Variants in PLOD1 observed in about 807,000 individuals in gnomAD.
The protein encoded by PLOD1 is procollagen-lysine,2-oxoglutarate 5-dioxygenase 1.
PLOD1 carries 70 observed loss-of-function variants against 94.7 expected under a neutral mutation model. That is an observed-to-expected ratio of 0.74 (90% CI 0.61 to 0.90). PLOD1 has a LOEUF of 0.90. PLOD1 is among the 40% of genes least tolerant of loss of function. The pLI is 0.00. For synonymous variants in PLOD1, 417 were observed against 400.2 expected, an observed-to-expected ratio of 1.04 and a Z score of -0.50; for missense variants, 905 against 972.7, an observed-to-expected ratio of 0.93 and a Z score of 0.93.
rs192888884 is a variant in PLOD1, at chr1:11,951,701, C to T, written c.467-922C>T. On this transcript the variant is annotated intron_variant, in intron 4 of 18. Coordinates refer to ENST00000196061, the MANE Select transcript of PLOD1 (RefSeq NM_000302.4). ...TTGGGAGGCCGAGGTGGGCGGATCA[C>T]GAGGTCAGGAGATCGAGACCATCCT... is the stretch of plus-strand genomic sequence containing the variant. Among the ~76,000 whole-genome samples, 490 of 149,552 alleles carry T rather than the reference C, an allele frequency of 3.3e-3. 3 individuals carry two copies. The highest frequency in any genetic ancestry group is 0.011 in the African/African-American group (465 of 40,858).
chr1:11,945,353 G>A (rs1645643164), intron 1 of PLOD1, among the ~76,000 whole-genome samples: 1 of 152,014 alleles, frequency 6.6e-6, no homozygotes, highest in Admixed American at 6.6e-5. Context: ...AGGAAGTCAA[G>A]GTTGCAGTGA....
chr1:11,970,707 C>G lies in PLOD1; in HGVS notation c.1793C>G (p.Thr598Ser). Residue 598 changes from threonine to serine, a missense_variant, in exon 17 of 19, where the codon ACT becomes AGT. Transcript: ENST00000196061. ...CAGGGTGGCTACGAGAACGTGCCGACTATTGACATCCACATGAACCAGATC... is the reference window on the plus strand; with the variant it reads ...CAGGGTGGCTACGAGAACGTGCCGAGTATTGACATCCACATGAACCAGATC... ...RIQGGYENVP[T>S]IDIHMNQIGF... The G allele has an allele frequency of 6.2e-7, 1 of 1,613,142 alleles. No homozygotes were observed. The highest frequency in any genetic ancestry group is 1.1e-5 in the South Asian group (1 of 91,058).
At chr1:11,964,907 C>A in intron 13 of PLOD1, 122 bp downstream of exon 13, 1 of 1,097,902 alleles carries the variant, frequency 9.1e-7, no homozygotes, top group African/African-American at 1.5e-5. Flanking sequence ...TCCAGAGATT[C>A]TAGCAGGGCA....
At position 11,972,768 on chromosome 1, in the gene PLOD1, A is replaced by T. The variant is rs988349584; in HGVS notation, c.1903-104A>T. ...ATGTAGACCTGGCCCCTGTAAGCTG[A>T]CCTGCAGCAGGCCAGACCAGGCCCC... On this transcript the variant is annotated intron_variant, in intron 17 of 18. Transcript: ENST00000196061. This position sits in a 1 kb window ranked among gnomAD's most constrained non-coding sequence, Gnocchi z 4.6. The T allele has an allele frequency of 2.3e-6, 3 of 1,308,598 alleles. No individual in the cohort carries two copies. In the East Asian group the frequency reaches 7.0e-5, roughly 30 times the overall value. The allele number at this position is 1,308,598 out of a possible 1,614,324, so 81.1% of individuals were successfully genotyped here.
chr1:11,938,456 C>T (rs1369485542), intron 1 of PLOD1, among the ~76,000 whole-genome samples: 1 of 151,976 alleles, frequency 6.6e-6, no homozygotes, highest in Non-Finnish European at 1.5e-5. Context: ...GGGGAGCCTG[C>T]TCAGCTCCCC....
At chr1:11,966,820 T>C (rs1231951890) in intron 15 of PLOD1, among the ~76,000 whole-genome samples, 167 bp from the exon 16 acceptor site, 1 of 152,134 alleles carries the variant, frequency 6.6e-6, no homozygotes, top group East Asian at 1.9e-4. Flanking sequence ...AAAGTCTGTC[T>C]CTGGGCTCTG....
rs928024963 is a variant in PLOD1 at position 11,972,661 on chromosome 1, C to T, written c.1903-211C>T. The T allele has an allele frequency of 3.8e-6, 2 of 520,922 alleles. No individual in the cohort carries two copies. The highest frequency in any genetic ancestry group is 1.9e-5 in the African/African-American group (1 of 52,318). 32.3% of individuals were successfully genotyped at this position (520,922 alleles called of 1,614,324 possible). Reference sequence around the variant, plus strand: ...TTCCCCTCTGTTCTCTTCCTTCCCTCCCTCTCTCCCCTCTGTCCATACATT... The same window carrying T: ...TTCCCCTCTGTTCTCTTCCTTCCCTTCCTCTCTCCCCTCTGTCCATACATT... On this transcript the variant is annotated intron_variant, in intron 17 of 18. Coordinates refer to ENST00000196061, the MANE Select transcript of PLOD1 (RefSeq NM_000302.4). This position sits in a 1 kb window ranked among gnomAD's most constrained non-coding sequence, Gnocchi z 4.6.
rs1272068571 is a variant in PLOD1 at position 11,954,835 on chromosome 1, G to T, written c.585G>T (p.Gln195His). Reference protein sequence around the residue: ...KIFLDPEKREQINITLDHRCR... With the variant: ...KIFLDPEKREHINITLDHRCR... ...TGGTACCTTCTTTCCTGCAGGAGCA[G>T]ATCAATATCACCCTGGACCACCGCT... The change falls in exon 6 of 19, where the codon CAG becomes CAT. Residue 195 changes from glutamine to histidine, a missense_variant. Coordinates refer to ENST00000196061, the MANE Select transcript of PLOD1 (RefSeq NM_000302.4). 6.2e-7 allele frequency: 1 copy of T among 1,613,294 alleles called. No homozygotes were observed. The highest frequency in any genetic ancestry group is 8.5e-7 in the Non-Finnish European group (1 of 1,179,352).
intron 6 of PLOD1, among the ~76,000 whole-genome samples, chr1:11,955,194 C>G (rs1249839102): frequency 6.6e-6 from 1 of 152,244 alleles, no homozygotes; most frequent in Non-Finnish European, 1.5e-5. Flanking sequence ...TCTTTCCCCA[C>G]TTTCCCGGCC....
intron 4 of PLOD1, among the ~76,000 whole-genome samples, chr1:11,951,445 A>G (rs1037278665): frequency 1.5e-4 from 23 of 151,884 alleles, no homozygotes; most frequent in Non-Finnish European, 1.5e-4. Context: ...ACACGCCTGT[A>G]ATCCCAGCTA....
chr1:11,955,010 A>C (rs1443908982), intron 6 of PLOD1, 117 bp downstream of exon 6: 1 of 799,694 alleles, frequency 1.3e-6, no homozygotes, highest in African/African-American at 1.7e-5. Context: ...TTGTGCTGAG[A>C]GGTCACTGGC....
chr1:11,952,502 G>T (rs1041225598), intron 4 of PLOD1, 121 bp from the exon 5 acceptor site: 103 of 751,264 alleles, frequency 1.4e-4, no homozygotes, highest in Non-Finnish European at 1.7e-5. Context: ...ACTTCTGAGA[G>T]GTGACAGGGT....
At chr1:11,943,454 G>A (rs1964839) in intron 1 of PLOD1, among the ~76,000 whole-genome samples, 23,121 of 151,868 alleles carry the variant, frequency 0.15, 2,591 homozygotes, top group African/African-American at 0.32. Flanking sequence ...GTGCCACCAC[G>A]CCCGGCTAAT....
In PLOD1 at chr1:11,974,981, C is replaced by T. The variant is rs1423267955; in HGVS notation, c.*173C>T. 19 of 718,088 alleles carry T rather than the reference C, an allele frequency of 2.6e-5. No individual in the cohort carries two copies. Among genetic ancestry groups the T allele is most frequent in the East Asian group, 5.3e-5 (2 of 37,572 alleles). 44.5% of individuals were successfully genotyped at this position (718,088 alleles called of 1,614,324 possible). The stretch of plus-strand genomic sequence containing the variant: ...CAAAGAGATTCCTGCAGGCCAGAGG[C>T]GGAACACACCTTTATGGCTGGGGCT... On this transcript the variant is annotated 3_prime_UTR_variant, in exon 19 of 19. Coordinates refer to ENST00000196061, the MANE Select transcript of PLOD1 (RefSeq NM_000302.4).
rs780955742 is a variant in PLOD1, at chr1:11,958,444, G to C, written c.844-72G>C. On this transcript the variant is annotated intron_variant, in intron 8 of 18. Coordinates refer to ENST00000196061, the MANE Select transcript of PLOD1 (RefSeq NM_000302.4). The surrounding 1 kb of genome is among the most constrained non-coding windows in gnomAD (Gnocchi z 4.3). Reference sequence around the variant, plus strand: ...CTGATTCTGGCTCTGACTCCCTTGGGCCACCCTGGGGTGGAGTGGCAGTGC... The same window carrying C: ...CTGATTCTGGCTCTGACTCCCTTGGCCCACCCTGGGGTGGAGTGGCAGTGC... 6.4e-7 allele frequency: 1 copy of C among 1,568,194 alleles called. No homozygotes were observed. The highest frequency in any genetic ancestry group is 8.7e-7 in the Non-Finnish European group (1 of 1,147,440).
At chr1:11,944,952 C>A (rs1439090578) in intron 1 of PLOD1, among the ~76,000 whole-genome samples, 1 of 152,228 alleles carries the variant, frequency 6.6e-6, no homozygotes, top group Non-Finnish European at 1.5e-5. Context: ...GAAGTGTAAG[C>A]TGCAGACCCT....
chr1:11,950,489 G>T lies in PLOD1; in HGVS notation c.435G>T (p.Val145=). 6.2e-7 allele frequency: 1 copy of T among 1,614,124 alleles called. No individual in the cohort carries two copies. Among genetic ancestry groups the T allele is most frequent in the Non-Finnish European group, 8.5e-7 (1 of 1,180,016 alleles). Residue 145 remains valine, a synonymous_variant, in exon 4 of 19, where the codon GTG becomes GTT. Coordinates refer to ENST00000196061, the MANE Select transcript of PLOD1 (RefSeq NM_000302.4). The part of the protein sequence containing the change: ...DRRLETKYPV[V]SDGKRFLGSG... Reference sequence around the variant, plus strand: ...GGCTGGAGACCAAGTATCCGGTGGTGTCCGATGGCAAGAGGTTCCTGGGCT... The same window carrying T: ...GGCTGGAGACCAAGTATCCGGTGGTTTCCGATGGCAAGAGGTTCCTGGGCT...
At chr1:11,955,537 C>T (rs1645732230) in intron 6 of PLOD1, among the ~76,000 whole-genome samples, 2 of 152,124 alleles carry the variant, frequency 1.3e-5, no homozygotes, top group South Asian at 2.1e-4. Context: ...CCCAGAGAAA[C>T]GCAGAAAATG....
At chr1:11,941,086 C>T (rs573460890) in intron 1 of PLOD1, among the ~76,000 whole-genome samples, 1 of 152,294 alleles carries the variant, frequency 6.6e-6, no homozygotes, top group African/African-American at 2.4e-5. Flanking sequence ...CCTCGGTTTC[C>T]TCACCCGAAG....
Sources: allele counts gnomAD v4.1 joint callset (sites outside exome capture counted in the v4.1 genomes callset), GRCh38; gene constraint gnomAD v4.1.1; non-coding constraint Gnocchi (gnomAD v3.1); transcripts MANE v1.5; gene names NCBI Gene and HGNC (gene_info 2026-07-23, HGNC 2026-07-21).